Variants in AK5 observed in about 807,000 individuals in gnomAD.
AK5 encodes adenylate kinase 5.
Under a neutral mutation model 69.5 loss-of-function variants are expected in AK5, and 27 were observed. The ratio of observed to expected loss-of-function variants is 0.39; its 90% CI spans 0.29 to 0.54. The LOEUF (loss-of-function observed/expected upper bound fraction) is 0.54, where lower values mean the gene tolerates loss of function less well. AK5 is among the 20% of genes least tolerant of loss of function. The pLI is 0.71. For missense variants in AK5, 531 were observed against 700.4 expected (o/e 0.76, Z 2.73); for synonymous variants, 260 against 244.4 (o/e 1.06, Z -0.60).
intron 6 of AK5, among the ~76,000 whole-genome samples, chr1:77,399,384 G>A (rs1266319922): frequency 1.3e-5 from 2 of 152,108 alleles, no homozygotes; most frequent in African/African-American, 2.4e-5. Flanking sequence ...CTCCTGCATG[G>A]CCTGAAACCG....
rs59508312 is a variant in AK5 at position 77,367,554 on chromosome 1, T to TATATATATATATATG, written c.891+26986_891+26987insATATATATATATATG. 3.3e-3 allele frequency among the ~76,000 whole-genome samples: 93 copies of TATATATATATATATG among 28,604 alleles called. 6 individuals are homozygous for TATATATATATATATG. The highest frequency in any genetic ancestry group is 7.8e-3 in the African/African-American group (84 of 10,732). The allele number at this position is 28,604 out of a possible 152,430, so 18.8% of individuals were successfully genotyped here. A position where few individuals can be genotyped will look rare whatever the true frequency, so the allele number is the denominator to read the frequency against. ...ATGTTGCCCAGACTCATTTATGTTA[T>TATATATATATATATG]TTTTATATATATATATATATATATA... On this transcript the variant is annotated intron_variant, in intron 6 of 13. Coordinates refer to ENST00000354567, the MANE Select transcript of AK5 (RefSeq NM_174858.3).
intron 6 of AK5, among the ~76,000 whole-genome samples, chr1:77,377,799 T>C (rs1337547129): frequency 6.6e-6 from 1 of 152,194 alleles, no homozygotes; most frequent in Non-Finnish European, 1.5e-5. Flanking sequence ...TTACATGCCT[T>C]GTTTCTTTTT....
At chr1:77,552,102 G>A (rs939358527) in intron 13 of AK5, among the ~76,000 whole-genome samples, 3 of 152,168 alleles carry the variant, frequency 2.0e-5, no homozygotes, top group African/African-American at 7.2e-5. Flanking sequence ...TGATTGGGGT[G>A]CTCATCCTCC....
At chr1:77,520,108 C>T (rs1313287254) in intron 11 of AK5, among the ~76,000 whole-genome samples, 1 of 149,212 alleles carries the variant, frequency 6.7e-6, no homozygotes, top group Non-Finnish European at 1.5e-5. Context: ...AAGACTGAGG[C>T]AGGGGAATTG....
intron 6 of AK5, among the ~76,000 whole-genome samples, chr1:77,407,996 T>G (rs374973592): frequency 6.6e-6 from 1 of 152,326 alleles, no homozygotes; most frequent in African/African-American, 2.4e-5. Context: ...TATTCCATGA[T>G]GTATATGTAC....
intron 13 of AK5, among the ~76,000 whole-genome samples, chr1:77,539,471 G>T (rs1004282564): frequency 2.0e-5 from 3 of 152,146 alleles, no homozygotes; most frequent in African/African-American, 7.2e-5. Context: ...TCATCCCACT[G>T]CCCCTGCCCA....
intron 5 of AK5, among the ~76,000 whole-genome samples, chr1:77,333,551 CA>C (rs66483579): frequency 0.069 from 10,233 of 148,364 alleles, 608 homozygotes; most frequent in South Asian, 0.21. Flanking sequence ...ATCTCCCCCC[CA>C]CCATGCTAGT....
intron 5 of AK5, among the ~76,000 whole-genome samples, chr1:77,326,747 T>C (rs546687120): frequency 2.0e-5 from 3 of 152,330 alleles, no homozygotes; most frequent in South Asian, 2.1e-4. Flanking sequence ...TGTGTGAAAG[T>C]ATAAAATCCA....
intron 5 of AK5, among the ~76,000 whole-genome samples, chr1:77,312,175 A>G (rs1044735964): frequency 1.4e-4 from 22 of 152,144 alleles, no homozygotes; most frequent in East Asian, 7.7e-4. Context: ...CGTCAATTCT[A>G]TGAGGAAGTT....
At chr1:77,480,620 A>C (rs6664497) in intron 8 of AK5, among the ~76,000 whole-genome samples, 7,132 of 152,200 alleles carry the variant, frequency 0.047, 339 homozygotes, top group East Asian at 0.19. Flanking sequence ...AAATTGAGGG[A>C]GAGGACTCCA....
At chr1:77,308,763 G>T (rs1484762918) in intron 5 of AK5, among the ~76,000 whole-genome samples, 2 of 151,984 alleles carry the variant, frequency 1.3e-5, no homozygotes, top group East Asian at 3.9e-4. Flanking sequence ...TGAAAATGGA[G>T]TTCAAGGCCA....
At chr1:77,450,730 T>C (rs1653091409) in intron 8 of AK5, among the ~76,000 whole-genome samples, 1 of 152,218 alleles carries the variant, frequency 6.6e-6, no homozygotes, top group African/African-American at 2.4e-5. Context: ...ATCATGTAAG[T>C]TAATTTCTTC....
At chr1:77,475,979 T>A (rs1339274182) in intron 8 of AK5, among the ~76,000 whole-genome samples, 2 of 152,172 alleles carry the variant, frequency 1.3e-5, no homozygotes, top group African/African-American at 2.4e-5. Flanking sequence ...AATTTTTTTC[T>A]TTAAAATTTC....
intron 8 of AK5, among the ~76,000 whole-genome samples, chr1:77,430,585 G>T (rs1302191922): frequency 6.6e-6 from 1 of 152,160 alleles, no homozygotes; most frequent in African/African-American, 2.4e-5. Flanking sequence ...TGTGAGTGGA[G>T]ATGAGATAGA....
At chr1:77,411,207 A>T (rs983306103) in intron 7 of AK5, 136 bp downstream of exon 7, 2 of 698,076 alleles carry the variant, frequency 2.9e-6, no homozygotes, top group Admixed American at 3.1e-5. Context: ...TTCTGGTATA[A>T]AAATAAAAGT....
At chr1:77,497,555 A>G (rs1200848102) in intron 10 of AK5, among the ~76,000 whole-genome samples, 3 of 152,210 alleles carry the variant, frequency 2.0e-5, no homozygotes, top group Non-Finnish European at 4.4e-5. Flanking sequence ...AGGAATTTGC[A>G]GAAGAAATAG....
chr1:77,491,399 T>A (rs935065328), intron 10 of AK5, among the ~76,000 whole-genome samples: 2 of 144,570 alleles, frequency 1.4e-5, no homozygotes, highest in African/African-American at 5.1e-5. Context: ...CTCCGCCTTC[T>A]GTTTTCAAGT....
At chr1:77,438,104 CT>C (rs908191910) in intron 8 of AK5, among the ~76,000 whole-genome samples, 1 of 151,834 alleles carries the variant, frequency 6.6e-6, no homozygotes. Flanking sequence ...AAAGCCCTCT[CT>C]TTTTTTGTTA....
At chr1:77,442,750 T>A (rs1464736963) in intron 8 of AK5, among the ~76,000 whole-genome samples, 1 of 152,206 alleles carries the variant, frequency 6.6e-6, no homozygotes, top group Non-Finnish European at 1.5e-5. Context: ...GCCATCTTGC[T>A]GATGTCACCA....
Sources: gnomAD v4.1 joint callset for allele counts (sites outside exome capture counted in the v4.1 genomes callset) on GRCh38, gnomAD v4.1.1 for gene constraint, MANE v1.5 for transcripts, NCBI Gene and HGNC (gene_info 2026-07-23, HGNC 2026-07-21) for gene names.